Variants in KLRG2 observed in about 807,000 individuals in gnomAD.
The protein encoded by KLRG2 is killer cell lectin-like receptor subfamily G member 2.
KLRG2 carries 39 observed loss-of-function variants against 35.4 expected under a neutral mutation model. The observed-to-expected ratio is 1.10, with a 90% CI of 0.85 to 1.44. The LOEUF (loss-of-function observed/expected upper bound fraction) is 1.44. Ranked by LOEUF, KLRG2 falls within the 40% of genes most tolerant of loss-of-function variation. The pLI is 0.00. For synonymous variants in KLRG2, 283 were observed against 265.8 expected (o/e 1.06, Z -0.63); for missense variants, 632 against 570.9 (o/e 1.11, Z -1.09).
intron 3 of KLRG2, among the ~76,000 whole-genome samples, chr7:139,476,667 C>T (rs542955471): frequency 5.9e-5 from 9 of 152,066 alleles, no homozygotes; most frequent in East Asian, 1.9e-4. Context: ...CTTGAACTCC[C>T]GACTGCAGGT....
intron 3 of KLRG2, among the ~76,000 whole-genome samples, chr7:139,458,361 G>C (rs1303857314): frequency 4.0e-5 from 6 of 151,660 alleles, no homozygotes; most frequent in Admixed American, 2.6e-4. Context: ...CTGGGTGAGA[G>C]AGCAAGAGAT....
intron 3 of KLRG2, among the ~76,000 whole-genome samples, chr7:139,467,919 G>C (rs1796693364): frequency 6.6e-6 from 1 of 152,198 alleles, no homozygotes; most frequent in Non-Finnish European, 1.5e-5. Flanking sequence ...CTCGTCACTG[G>C]GCAATGGAAT....
chr7:139,431,899 A>C, the KLRG2 span, among the ~76,000 whole-genome samples: 1 of 152,172 alleles, frequency 6.6e-6, no homozygotes, highest in Non-Finnish European at 1.5e-5. Context: ...AGTTGCAGGA[A>C]GCATTTCTGA....
the KLRG2 span, among the ~76,000 whole-genome samples, chr7:139,445,790 T>TATATATATATATATATATATAC: frequency 2.1e-4 from 26 of 125,476 alleles, 1 homozygote; most frequent in African/African-American, 1.0e-3. Context: ...TGTATATATA[T>TATATATATATATATATATATAC]ATGTGTGTAT....
downstream of KLRG2, among the ~76,000 whole-genome samples, chr7:139,450,254 T>C (rs900767040): frequency 2.3e-4 from 34 of 150,536 alleles, no homozygotes; most frequent in South Asian, 4.2e-4. Flanking sequence ...GACGGAGTCT[T>C]GCTCTGTCGC....
chr7:139,451,848 A>G (rs1222204068), downstream of KLRG2, among the ~76,000 whole-genome samples: 1 of 152,108 alleles, frequency 6.6e-6, no homozygotes, highest in Non-Finnish European at 1.5e-5. Flanking sequence ...CTGGGAACAC[A>G]TGGCAGGGGA....
chr7:139,446,404 C>G, the KLRG2 span, among the ~76,000 whole-genome samples: 1 of 140,724 alleles, frequency 7.1e-6, no homozygotes, highest in African/African-American at 2.6e-5. Context: ...AGTGCAGTAG[C>G]TCAGTCTCGG....
intron 3 of KLRG2, among the ~76,000 whole-genome samples, chr7:139,461,875 G>A (rs1796575330): frequency 6.6e-6 from 1 of 152,168 alleles, no homozygotes. Flanking sequence ...TTGGTGCCAT[G>A]ACTCGGATCA....
intron 1 of KLRG2, among the ~76,000 whole-genome samples, chr7:139,481,512 C>G (rs1352360634): frequency 6.6e-6 from 1 of 152,176 alleles, no homozygotes; most frequent in African/African-American, 2.4e-5. Flanking sequence ...TCTCAATCAG[C>G]CAAGCTTTTG....
chr7:139,456,486 C>T (rs1796479001), intron 3 of KLRG2, among the ~76,000 whole-genome samples: 1 of 152,190 alleles, frequency 6.6e-6, no homozygotes, highest in Admixed American at 6.5e-5. Flanking sequence ...CTGTCTCAGC[C>T]TCCCAAGTAG....
chr7:139,429,796 C>T, the KLRG2 span, among the ~76,000 whole-genome samples: 25 of 152,300 alleles, frequency 1.6e-4, no homozygotes, highest in African/African-American at 5.8e-4. Flanking sequence ...GGCAACCATT[C>T]GATTTCTCAA....
chr7:139,454,003 GC>G (rs1796414629), intron 4 of KLRG2, 107 bp downstream of exon 4: 1 of 784,826 alleles, frequency 1.3e-6, no homozygotes, highest in Admixed American at 2.4e-5. Context: ...GGCGTGGGCT[GC>G]TTTCCAAGTG....
chr7:139,453,563 G>A lies in KLRG2; in HGVS notation c.*24C>T, dbSNP rs1218878661. On this transcript the variant is annotated 3_prime_UTR_variant, in exon 5 of 5. Transcript: ENST00000340940. Reference sequence around the variant, plus strand: ...AGGGGGTGCTGCATCTGCCTGGCAGGCTGAGGACCAGGCAGAGCCCAGATC... The same window carrying A: ...AGGGGGTGCTGCATCTGCCTGGCAGACTGAGGACCAGGCAGAGCCCAGATC... 11 of 1,574,804 alleles carry A rather than the reference G, an allele frequency of 7.0e-6. No homozygotes were observed. Among genetic ancestry groups the A allele is most frequent in the Non-Finnish European group, 9.5e-6 (11 of 1,160,312 alleles).
downstream of KLRG2, among the ~76,000 whole-genome samples, chr7:139,450,445 GA>G (rs1471885282): frequency 6.6e-6 from 1 of 151,936 alleles, no homozygotes; most frequent in Non-Finnish European, 1.5e-5. Context: ...GGCTGGTCTC[GA>G]ACTCTTGACC....
intron 3 of KLRG2, among the ~76,000 whole-genome samples, chr7:139,465,480 C>T (rs1393200513): frequency 6.6e-6 from 1 of 152,094 alleles, no homozygotes; most frequent in Non-Finnish European, 1.5e-5. Context: ...ATCACAAGGT[C>T]AGGAGATCGA....
chr7:139,454,552 A>G (rs61514284), intron 3 of KLRG2, among the ~76,000 whole-genome samples: 14,492 of 151,984 alleles, frequency 0.095, 1,394 homozygotes, highest in African/African-American at 0.24. Context: ...ACGGTGGCTC[A>G]TGCCTGTAAT....
chr7:139,480,989 C>T (rs946064042), intron 1 of KLRG2, among the ~76,000 whole-genome samples: 13 of 152,166 alleles, frequency 8.5e-5, no homozygotes, highest in African/African-American at 2.9e-4. Context: ...AGTGATCCGC[C>T]CGCCTTGGCC....
chr7:139,461,677 C>T (rs78423477), intron 3 of KLRG2, among the ~76,000 whole-genome samples: 1 of 152,146 alleles, frequency 6.6e-6, no homozygotes, highest in Non-Finnish European at 1.5e-5. Flanking sequence ...CGCCCCTGCC[C>T]GCCAGCGAAC....
intron 3 of KLRG2, among the ~76,000 whole-genome samples, chr7:139,459,589 C>T (rs539611108): frequency 1.4e-4 from 21 of 152,334 alleles, no homozygotes; most frequent in South Asian, 1.0e-3. Flanking sequence ...CCAGCCCAGG[C>T]GCTGAGCAGA....
Sources: allele counts gnomAD v4.1 joint callset (sites outside exome capture counted in the v4.1 genomes callset), GRCh38; gene constraint gnomAD v4.1.1; transcripts MANE v1.5; gene names NCBI Gene and HGNC (gene_info 2026-07-23, HGNC 2026-07-21).